Variants in IL1RAPL2 observed in about 807,000 individuals in gnomAD.
The protein encoded by IL1RAPL2 is X-linked interleukin-1 receptor accessory protein-like 2.
In IL1RAPL2, 3 loss-of-function variants were observed where a neutral mutation model predicts 44.1. That is an observed-to-expected ratio of 0.07 (90% CI 0.03 to 0.18). The LOEUF is 0.18. Among genes scored for constraint, IL1RAPL2 ranks in the 10% least tolerant of loss-of-function variants. The pLI is 1.00. For missense variants in IL1RAPL2, 391 were observed against 496.4 expected (o/e 0.79, Z 2.02); for synonymous variants, 181 against 178.8 (o/e 1.01, Z -0.10).
chrX:105,764,625 A>AC (rs1436456568), intron 10 of IL1RAPL2, among the ~76,000 whole-genome samples: 1 of 110,925 alleles, frequency 9.0e-6, no homozygotes, highest in Non-Finnish European at 1.9e-5. Context: ...ACATAGTGAG[A>AC]CCCCACCTCT....
chrX:104,919,710 T>G (rs1240712516), intron 2 of IL1RAPL2, among the ~76,000 whole-genome samples: 1 of 80,319 alleles, frequency 1.2e-5, no homozygotes, highest in African/African-American at 4.7e-5. Flanking sequence ...TTTTTTTTTT[T>G]TTGTATTTTT....
chrX:105,054,411 T>C (rs1799331859), intron 2 of IL1RAPL2, among the ~76,000 whole-genome samples: 1 of 111,831 alleles, frequency 8.9e-6, no homozygotes, highest in Non-Finnish European at 1.9e-5. Flanking sequence ...CTATCTGATA[T>C]GGTAGCTGTT....
At chrX:105,447,929 ATT>A (rs1166066861) in intron 5 of IL1RAPL2, among the ~76,000 whole-genome samples, 1 of 97,962 alleles carries the variant, frequency 1.0e-5, no homozygotes, top group Non-Finnish European at 2.0e-5. Flanking sequence ...ATATAAATAT[ATT>A]AAAATATGTT....
At chrX:105,187,408 G>A (rs1307286776) in intron 2 of IL1RAPL2, among the ~76,000 whole-genome samples, 1 of 110,489 alleles carries the variant, frequency 9.1e-6, no homozygotes, top group Non-Finnish European at 1.9e-5. Flanking sequence ...CACCATGTTG[G>A]CTTACTTCAA....
chrX:105,740,705 T>G lies in IL1RAPL2; in HGVS notation c.1048+14T>G, dbSNP rs994488072. On this transcript the variant is annotated intron_variant, in intron 8 of 10. Coordinates refer to ENST00000372582, the MANE Select transcript of IL1RAPL2 (RefSeq NM_017416.2). The stretch of plus-strand genomic sequence containing the variant: ...TGCGTAAAAAGGGTATTTATTTTTA[T>G]AACTATAACTATGGTTTGCTTAGCT... The G allele has an allele frequency of 1.7e-6, 2 of 1,184,381 alleles. No individual in the cohort carries two copies.
intron 1 of IL1RAPL2, among the ~76,000 whole-genome samples, chrX:104,610,715 A>G (rs1325187723): frequency 8.9e-6 from 1 of 111,890 alleles, no homozygotes; most frequent in African/African-American, 3.3e-5. Flanking sequence ...AAGGTAATTT[A>G]TAGATTCAAT....
At chrX:105,481,419 A>T (rs1178397372) in intron 5 of IL1RAPL2, among the ~76,000 whole-genome samples, 2 of 112,596 alleles carry the variant, frequency 1.8e-5, no homozygotes, top group Admixed American at 1.9e-4. Context: ...GCTTAAAATT[A>T]TCATTAATAT....
At chrX:104,772,154 G>A (rs1178732296) in intron 2 of IL1RAPL2, among the ~76,000 whole-genome samples, 8 of 111,543 alleles carry the variant, frequency 7.2e-5, no homozygotes, top group South Asian at 7.6e-4. Flanking sequence ...ATGGACTTTA[G>A]CCTTTCTTTC....
At chrX:104,977,232 G>A (rs1382046704) in intron 2 of IL1RAPL2, among the ~76,000 whole-genome samples, 2 of 111,797 alleles carry the variant, frequency 1.8e-5, no homozygotes, top group Admixed American at 1.9e-4. Context: ...TGTCACACAT[G>A]AGGTGCAAGT....
intron 6 of IL1RAPL2, among the ~76,000 whole-genome samples, chrX:105,654,745 AT>A (rs1050663834): frequency 1.8e-5 from 2 of 111,967 alleles, no homozygotes; most frequent in Non-Finnish European, 3.8e-5. Context: ...TGTTTCTGGC[AT>A]TTATTGACTT....
chrX:104,874,300 C>CTCTCTCTT (rs1018874109), intron 2 of IL1RAPL2, among the ~76,000 whole-genome samples: 3 of 107,304 alleles, frequency 2.8e-5, no homozygotes, highest in African/African-American at 1.0e-4. Flanking sequence ...CTCTCTCTCT[C>CTCTCTCTT]TCTCTCTCTC....
chrX:105,718,796 A>G (rs1041381016), intron 7 of IL1RAPL2, among the ~76,000 whole-genome samples: 1 of 110,414 alleles, frequency 9.1e-6, no homozygotes, highest in African/African-American at 3.3e-5. Context: ...ATATGTACAA[A>G]TCTTAGCCAG....
intron 2 of IL1RAPL2, among the ~76,000 whole-genome samples, chrX:105,163,930 G>GA (rs1354248298): frequency 9.0e-6 from 1 of 111,100 alleles, no homozygotes; most frequent in African/African-American, 3.3e-5. Flanking sequence ...AGAGTTAAGA[G>GA]AACTCTTCCA....
Position 105,761,166 on chromosome X carries a change from G to A in IL1RAPL2, c.1364-5798G>A, listed in dbSNP as rs777122057. 8.7e-3 allele frequency among the ~76,000 whole-genome samples: 836 copies of A among 96,324 alleles called. 9 individuals are homozygous for A. Among genetic ancestry groups the A allele is most frequent in the Non-Finnish European group, 0.014 (686 of 48,709 alleles). The allele number at this position is 96,324 out of a possible 115,157, so 83.6% of individuals were successfully genotyped here. On this transcript the variant is annotated intron_variant, in intron 10 of 10. Transcript: ENST00000372582. Reference sequence around the variant, plus strand: ...TGCACTCCAGCCTGGGCAACAGAGCGAGACTCCGTCTCAAAAAAAAAAAAA... The same window carrying A: ...TGCACTCCAGCCTGGGCAACAGAGCAAGACTCCGTCTCAAAAAAAAAAAAA...
chrX:104,899,191 T>A (rs1463551172), intron 2 of IL1RAPL2, among the ~76,000 whole-genome samples: 1 of 111,961 alleles, frequency 8.9e-6, no homozygotes, highest in Non-Finnish European at 1.9e-5. Context: ...ATGTTTTCCT[T>A]GAAGTATGTA....
chrX:104,874,279 CCTCTCT>C (rs59789265), intron 2 of IL1RAPL2, among the ~76,000 whole-genome samples: 103 of 76,302 alleles, frequency 1.3e-3, no homozygotes, highest in Middle Eastern at 6.9e-3. Context: ...TGTCTGTATT[CCTCTCT>C]CTCTCTCTCT....
intron 2 of IL1RAPL2, among the ~76,000 whole-genome samples, chrX:105,015,706 G>A (rs2031159978): frequency 9.0e-6 from 1 of 111,294 alleles, no homozygotes; most frequent in Admixed American, 9.6e-5. Context: ...ATGCTATTTT[G>A]GTTACTATAG....
rs189034199 is a variant in IL1RAPL2 at position 104,573,334 on chromosome X, C to G, written c.-20+6283C>G. 4.5e-5 allele frequency among the ~76,000 whole-genome samples: 5 copies of G among 112,188 alleles called. No individual in the cohort carries two copies. The Admixed American group carries it at 4.7e-4, about 11-fold the overall frequency. ...ACTAAAAATTTCGGTTCCTCAGTCA[C>G]CTAGCCACATTTCAAGTACTTGATA... On this transcript the variant is annotated intron_variant, in intron 1 of 10. Coordinates refer to ENST00000372582, the MANE Select transcript of IL1RAPL2 (RefSeq NM_017416.2).
At chrX:104,649,437 A>T (rs555032863) in intron 1 of IL1RAPL2, among the ~76,000 whole-genome samples, 1 of 111,584 alleles carries the variant, frequency 9.0e-6, no homozygotes, top group Non-Finnish European at 1.9e-5. Context: ...TCTAGTTAAC[A>T]TTATTGCATC....
Sources: allele counts gnomAD v4.1 joint callset (sites outside exome capture counted in the v4.1 genomes callset), GRCh38; gene constraint gnomAD v4.1.1; transcripts MANE v1.5; gene names NCBI Gene and HGNC (gene_info 2026-07-23, HGNC 2026-07-21).